The following IGSF21 variants were observed in gnomAD, a reference collection of about 807,000 sequenced individuals.
IGSF21 encodes the protein immunoglobulin superfamily member 21.
Under a neutral mutation model 46.8 loss-of-function variants are expected in IGSF21, and 28 were observed. The observed-to-expected ratio is 0.60, with a 90% CI of 0.44 to 0.82. The LOEUF (loss-of-function observed/expected upper bound fraction) is 0.82, where lower values mean the gene tolerates loss of function less well. Ranked by LOEUF, IGSF21 falls within the 40% of genes least tolerant of loss-of-function variation. IGSF21 has a pLI of 0.00. For synonymous variants in IGSF21, 284 were observed against 273.6 expected (o/e 1.04, Z -0.38); for missense variants, 624 against 665.5 (o/e 0.94, Z 0.69).
intron 2 of IGSF21, among the ~76,000 whole-genome samples, chr1:18,253,506 C>T (rs1427154108): frequency 3.3e-5 from 5 of 152,198 alleles, no homozygotes; most frequent in South Asian, 4.2e-4. Context: ...AGGCTGGATC[C>T]TACCAGTCCC....
intron 3 of IGSF21, among the ~76,000 whole-genome samples, chr1:18,307,131 G>C (rs2085434244): frequency 6.6e-6 from 1 of 152,010 alleles, no homozygotes; most frequent in Admixed American, 6.5e-5. Context: ...CAGGGCATTT[G>C]TTTGGCCATG....
At chr1:18,208,591 G>A (rs936537479) in intron 1 of IGSF21, among the ~76,000 whole-genome samples, 2 of 129,416 alleles carry the variant, frequency 1.5e-5, no homozygotes, top group African/African-American at 5.8e-5. Flanking sequence ...TAGAGACCGG[G>A]TTTCTCCATG....
chr1:18,298,671 G>A (rs1018738835), intron 3 of IGSF21, among the ~76,000 whole-genome samples: 4 of 152,212 alleles, frequency 2.6e-5, no homozygotes, highest in African/African-American at 4.8e-5. Context: ...AATGCAGGGC[G>A]CTGGAAGAAA....
At chr1:18,256,141 A>G (rs1569646214) in intron 2 of IGSF21, among the ~76,000 whole-genome samples, 1 of 152,054 alleles carries the variant, frequency 6.6e-6, no homozygotes, top group African/African-American at 2.4e-5. Context: ...CTATTCATCA[A>G]ATTAGCCATG....
chr1:18,147,445 T>C (rs1340415401), intron 1 of IGSF21, among the ~76,000 whole-genome samples: 1 of 152,148 alleles, frequency 6.6e-6, no homozygotes, highest in East Asian at 1.9e-4. Context: ...ATCCTAAGAC[T>C]ACAACCTTCC....
intron 1 of IGSF21, among the ~76,000 whole-genome samples, 195 bp downstream of exon 1, chr1:18,108,393 GGT>G (rs138052984): frequency 1.4e-4 from 21 of 146,066 alleles, no homozygotes; most frequent in Admixed American, 4.8e-4. Context: ...TTTGTGCCAG[GGT>G]GTGTGTGTGT....
chr1:18,368,353 A>AAG (rs779167562), intron 6 of IGSF21, among the ~76,000 whole-genome samples: 1 of 150,814 alleles, frequency 6.6e-6, no homozygotes, highest in African/African-American at 2.4e-5. Flanking sequence ...AAAAAAAAAA[A>AAG]TACAAAACTT....
At chr1:18,222,958 C>T (rs2084525812) in intron 1 of IGSF21, among the ~76,000 whole-genome samples, 1 of 152,168 alleles carries the variant, frequency 6.6e-6, no homozygotes, top group Admixed American at 6.5e-5. Flanking sequence ...CTGTCATAGC[C>T]TTGCCTGGCA....
chr1:18,127,472 A>G (rs769255228), intron 1 of IGSF21, among the ~76,000 whole-genome samples: 4 of 152,096 alleles, frequency 2.6e-5, no homozygotes, highest in Non-Finnish European at 5.9e-5. Context: ...TCCTCCGGAC[A>G]GTGCTGTGTG....
At chr1:18,291,061 G>T (rs1472220100) in intron 2 of IGSF21, among the ~76,000 whole-genome samples, 19 of 152,204 alleles carry the variant, frequency 1.2e-4, no homozygotes. Context: ...ATACCTTGCT[G>T]CTTCGTGGAG....
intron 1 of IGSF21, chr1:18,115,842 G>GAAGGAAGAAAGGAAGAAAGA (rs1326188397): frequency 3.4e-5 from 3 of 87,828 alleles, no homozygotes; most frequent in African/African-American, 1.6e-4. Flanking sequence ...AGGAAGGAAG[G>GAAGGAAGAAAGGAAGAAAGA]AAGAAAGAAA....
intron 6 of IGSF21, among the ~76,000 whole-genome samples, chr1:18,372,882 A>ATGGG (rs1557666333): frequency 7.0e-6 from 1 of 142,416 alleles, no homozygotes; most frequent in African/African-American, 2.7e-5. Flanking sequence ...GGATGGATGG[A>ATGGG]TGGATGGATG....
At chr1:18,308,700 C>G (rs1271149209) in intron 3 of IGSF21, among the ~76,000 whole-genome samples, 4 of 152,162 alleles carry the variant, frequency 2.6e-5, no homozygotes, top group African/African-American at 9.7e-5. Context: ...CTTCTGACCT[C>G]CCCCAGGAGA....
intron 6 of IGSF21, among the ~76,000 whole-genome samples, chr1:18,368,983 G>T (rs1445432565): frequency 2.0e-5 from 3 of 152,168 alleles, no homozygotes; most frequent in Admixed American, 2.0e-4. Flanking sequence ...CTCTGTCCTG[G>T]ATCCCAGGCC....
At chr1:18,286,662 G>C (rs78362516) in intron 2 of IGSF21, among the ~76,000 whole-genome samples, 3,357 of 152,322 alleles carry the variant, frequency 0.022, 47 homozygotes, top group African/African-American at 0.042. Context: ...ACTCTTACCA[G>C]GGAGTCCCAG....
chr1:18,326,632 C>A (rs1616528), intron 3 of IGSF21, among the ~76,000 whole-genome samples: 13,884 of 152,164 alleles, frequency 0.091, 1,719 homozygotes, highest in African/African-American at 0.28. Context: ...CTTTTTAAAT[C>A]GGGTAGATTA....
At chr1:18,143,649 ACCTTC>A (rs1383665589) in intron 1 of IGSF21, among the ~76,000 whole-genome samples, 1 of 152,032 alleles carries the variant, frequency 6.6e-6, no homozygotes, top group African/African-American at 2.4e-5. Flanking sequence ...TGGAGGAATC[ACCTTC>A]CCAGGGAGGC....
chr1:18,207,447 G>A (rs1442506394), intron 1 of IGSF21, among the ~76,000 whole-genome samples: 1 of 152,182 alleles, frequency 6.6e-6, no homozygotes, highest in Non-Finnish European at 1.5e-5. Context: ...CTCATGTGAG[G>A]CATGGTTTAG....
At chr1:18,153,587 C>T (rs1417764681) in intron 1 of IGSF21, among the ~76,000 whole-genome samples, 1 of 152,162 alleles carries the variant, frequency 6.6e-6, no homozygotes, top group African/African-American at 2.4e-5. Context: ...AACCAGGTGC[C>T]GAAGGTGAAT....
Sources: allele counts gnomAD v4.1 joint callset (sites outside exome capture counted in the v4.1 genomes callset), GRCh38; gene constraint gnomAD v4.1.1; transcripts MANE v1.5; gene names NCBI Gene and HGNC (gene_info 2026-07-23, HGNC 2026-07-21).